Variants in RAB20 observed in about 807,000 individuals in gnomAD.
RAB20 encodes RAB20, member RAS oncogene family, also known as ras-related protein Rab-20.
Under a neutral mutation model 3.7 loss-of-function variants are expected in RAB20, and 2 were observed. The ratio of observed to expected loss-of-function variants is 0.54; its 90% CI spans 0.22 to 1.69. The LOEUF (loss-of-function observed/expected upper bound fraction) is 1.69, where lower values mean the gene tolerates loss of function less well. Among genes scored for constraint, RAB20 ranks in the 40% most tolerant of loss-of-function variants. The pLI is 0.19. For missense variants in RAB20, 276 were observed against 311.9 expected (o/e 0.88, Z 0.87); for synonymous variants, 126 against 130.8 (o/e 0.96, Z 0.25).
At chr13:110,556,647 C>T (rs1885043591) in intron 1 of RAB20, among the ~76,000 whole-genome samples, 1 of 152,174 alleles carries the variant, frequency 6.6e-6, no homozygotes, top group Non-Finnish European at 1.5e-5. Context: ...AATCCTCTTA[C>T]CTCAGCCTCC....
chr13:110,531,811 A>C (rs1198467888), intron 1 of RAB20, among the ~76,000 whole-genome samples: 3 of 152,126 alleles, frequency 2.0e-5, no homozygotes, highest in Non-Finnish European at 2.9e-5. Context: ...TTCTCAGATG[A>C]TGACCTTCTC....
intron 1 of RAB20, among the ~76,000 whole-genome samples, chr13:110,548,507 A>G (rs1202315637): frequency 7.0e-6 from 1 of 142,158 alleles, no homozygotes; most frequent in Non-Finnish European, 1.5e-5. Context: ...AACAAAAAAA[A>G]ACTCTTGTCA....
At chr13:110,546,894 T>G (rs1464708952) in intron 1 of RAB20, among the ~76,000 whole-genome samples, 4 of 152,020 alleles carry the variant, frequency 2.6e-5, no homozygotes, top group Non-Finnish European at 5.9e-5. Flanking sequence ...TGCACCACCA[T>G]GCCTGGCAAT....
At chr13:110,532,872 G>C (rs1488434193) in intron 1 of RAB20, among the ~76,000 whole-genome samples, 1 of 152,010 alleles carries the variant, frequency 6.6e-6, no homozygotes, top group Non-Finnish European at 1.5e-5. Flanking sequence ...GTAGAGATGG[G>C]GACTTACTAT....
chr13:110,537,892 T>G (rs1884676775), intron 1 of RAB20, among the ~76,000 whole-genome samples: 1 of 151,918 alleles, frequency 6.6e-6, no homozygotes, highest in Non-Finnish European at 1.5e-5. Context: ...GGCCTTGAAC[T>G]CCAGCAAGCA....
At chr13:110,552,446 C>T (rs1884969037) in intron 1 of RAB20, among the ~76,000 whole-genome samples, 1 of 151,394 alleles carries the variant, frequency 6.6e-6, no homozygotes, top group African/African-American at 2.4e-5. Context: ...GTAATCCCAG[C>T]ACTTTGGGAG....
intron 1 of RAB20, among the ~76,000 whole-genome samples, chr13:110,532,787 T>A (rs1451012230): frequency 2.6e-5 from 4 of 152,186 alleles, no homozygotes; most frequent in Non-Finnish European, 5.9e-5. Context: ...TAAGTGTTCC[T>A]CCCAACTCAG....
chr13:110,532,965 G>C (rs1051463775), intron 1 of RAB20, among the ~76,000 whole-genome samples: 19 of 152,206 alleles, frequency 1.2e-4, no homozygotes, highest in African/African-American at 4.6e-4. Context: ...ACAGGCATGA[G>C]CCACTGTGCC....
At chr13:110,526,005 G>A (rs78860128) in intron 1 of RAB20, among the ~76,000 whole-genome samples, 1,666 of 152,364 alleles carry the variant, frequency 0.011, 29 homozygotes, top group African/African-American at 0.038. Flanking sequence ...CACACCTGCC[G>A]GGGGCACGCT....
At chr13:110,556,993 C>T (rs931070079) in intron 1 of RAB20, among the ~76,000 whole-genome samples, 4 of 152,130 alleles carry the variant, frequency 2.6e-5, no homozygotes, top group Non-Finnish European at 5.9e-5. Context: ...GAGGGCAGCC[C>T]GGATTGGCCT....
intron 1 of RAB20, among the ~76,000 whole-genome samples, chr13:110,537,509 A>G (rs9521823): frequency 0.34 from 51,952 of 151,492 alleles, 10,037 homozygotes; most frequent in African/African-American, 0.53. Context: ...AATTGTCCGC[A>G]CCTTGAAGAG....
chr13:110,540,118 A>C (rs568804373), intron 1 of RAB20, among the ~76,000 whole-genome samples: 1 of 152,372 alleles, frequency 6.6e-6, no homozygotes, highest in African/African-American at 2.4e-5. Context: ...TCAATGACAA[A>C]ACCAAATTAC....
intron 1 of RAB20, among the ~76,000 whole-genome samples, chr13:110,527,230 T>C (rs1215785045): frequency 6.6e-6 from 1 of 151,846 alleles, no homozygotes; most frequent in Non-Finnish European, 1.5e-5. Context: ...TGCCTGGATT[T>C]TGAGGCAGGC....
intron 1 of RAB20, among the ~76,000 whole-genome samples, chr13:110,543,864 C>G (rs192794918): frequency 2.6e-5 from 4 of 151,656 alleles, no homozygotes; most frequent in Admixed American, 2.6e-4. Context: ...CAACCTCTGC[C>G]TCCCAGGTTC....
intron 1 of RAB20, among the ~76,000 whole-genome samples, chr13:110,539,334 T>G (rs9559841): frequency 0.016 from 2,367 of 152,206 alleles, 23 homozygotes; most frequent in Admixed American, 0.029. Flanking sequence ...ATCCAGAGAC[T>G]CAACTACCAG....
chr13:110,560,220 G>A (rs1250138740), intron 1 of RAB20, among the ~76,000 whole-genome samples: 2 of 152,176 alleles, frequency 1.3e-5, no homozygotes, highest in Non-Finnish European at 2.9e-5. Context: ...TCAGGGAAAT[G>A]CACCTCTTTA....
chr13:110,536,083 G>C (rs553810212), intron 1 of RAB20, among the ~76,000 whole-genome samples: 16 of 152,248 alleles, frequency 1.1e-4, no homozygotes, highest in African/African-American at 3.6e-4. Context: ...GGAGACACAG[G>C]GGCAAAGACG....
chr13:110,535,459 C>T (rs982717171), intron 1 of RAB20, among the ~76,000 whole-genome samples: 3 of 152,266 alleles, frequency 2.0e-5, no homozygotes, highest in African/African-American at 7.2e-5. Flanking sequence ...ACAACCACTT[C>T]GTGGGTCACG....
intron 1 of RAB20, among the ~76,000 whole-genome samples, chr13:110,556,070 C>A (rs1374977700): frequency 3.3e-5 from 5 of 152,236 alleles, no homozygotes; most frequent in Non-Finnish European, 7.3e-5. Context: ...CAGACAGGTG[C>A]CCCTTTCTTC....
Sources: allele counts gnomAD v4.1 joint callset (sites outside exome capture counted in the v4.1 genomes callset), GRCh38; gene constraint gnomAD v4.1.1; transcripts MANE v1.5; gene names NCBI Gene and HGNC (gene_info 2026-07-23, HGNC 2026-07-21).